The following MIPOL1 variants were observed in gnomAD, a reference collection of about 807,000 sequenced individuals.
The protein encoded by MIPOL1 is mirror-image polydactyly 1.
MIPOL1 carries 57 observed loss-of-function variants against 60.9 expected under a neutral mutation model. The ratio of observed to expected loss-of-function variants is 0.94; its 90% CI spans 0.76 to 1.17. MIPOL1 has a LOEUF of 1.17. MIPOL1 is among the 50% of genes most tolerant of loss of function. The pLI is 0.00. For missense variants in MIPOL1, 551 were observed against 511.6 expected (o/e 1.08, Z -0.74); for synonymous variants, 179 against 168.8 (o/e 1.06, Z -0.47).
intron 12 of MIPOL1, chr14:37,507,197 C>T (rs924208425): frequency 5.3e-5 from 8 of 152,202 alleles, no homozygotes; most frequent in Admixed American, 1.3e-4. Flanking sequence ...GACAGTGTGA[C>T]GATTCCTCAA....
intron 11 of MIPOL1, among the ~76,000 whole-genome samples, chr14:37,469,318 G>C (rs1181097601): frequency 6.6e-6 from 1 of 152,148 alleles, no homozygotes; most frequent in East Asian, 1.9e-4. Flanking sequence ...AGGAGGAAGA[G>C]AGAGAGAGAG....
rs1472594132 is a variant in MIPOL1 at position 37,388,861 on chromosome 14, A to C, written c.936+19237A>C. Among the ~76,000 whole-genome samples the C allele has an allele frequency of 4.6e-5, 7 of 152,112 alleles. No homozygotes were observed. The South Asian group carries it at 1.5e-3, about 32-fold the overall frequency. On this transcript the variant is annotated intron_variant, in intron 10 of 12. Coordinates refer to ENST00000684589, the MANE Select transcript of MIPOL1 (RefSeq NM_001388067.1). Reference sequence around the variant, plus strand: ...CAGCAAATTCTTGCGTAGGACCCCAAAACTTTTGTTCTGTATCTAGGTTTT... The same window carrying C: ...CAGCAAATTCTTGCGTAGGACCCCACAACTTTTGTTCTGTATCTAGGTTTT...
chr14:37,249,122 C>T (rs1973679456), intron 3 of MIPOL1, among the ~76,000 whole-genome samples: 1 of 151,988 alleles, frequency 6.6e-6, no homozygotes, highest in Non-Finnish European at 1.5e-5. Context: ...AATTTGGAAT[C>T]CTTGGGAAAT....
intron 12 of MIPOL1, among the ~76,000 whole-genome samples, chr14:37,509,364 A>G (rs1037699123): frequency 6.6e-6 from 1 of 151,604 alleles, no homozygotes. Context: ...ACACACACAG[A>G]CTCAAAGAGT....
chr14:37,448,797 CAG>C (rs748047533), intron 11 of MIPOL1, among the ~76,000 whole-genome samples: 5 of 152,128 alleles, frequency 3.3e-5, no homozygotes, highest in South Asian at 2.1e-4. Context: ...AAAAACAAAA[CAG>C]AATCTCAAAT....
chr14:37,381,262 G>A (rs926376623), intron 10 of MIPOL1, among the ~76,000 whole-genome samples: 21 of 152,018 alleles, frequency 1.4e-4, no homozygotes, highest in Admixed American at 4.6e-4. Flanking sequence ...ATTGGTGATA[G>A]TGGAAGCCTT....
intron 10 of MIPOL1, among the ~76,000 whole-genome samples, chr14:37,380,321 T>G (rs924339390): frequency 3.3e-5 from 5 of 152,172 alleles, no homozygotes; most frequent in African/African-American, 1.2e-4. Context: ...AGAATGTCTT[T>G]CTTTACAAGC....
chr14:37,454,927 A>G lies in MIPOL1; in HGVS notation c.1031+31978A>G, dbSNP rs143657886. ...CTGTGATATATTGTAACCATCTTAT[A>G]GGAATTTTTTTCACTGTTTGTGATA... On this transcript the variant is annotated intron_variant, in intron 11 of 12. Transcript: ENST00000684589. Among the ~76,000 whole-genome samples the G allele has an allele frequency of 2.0e-3, 305 of 152,304 alleles. 2 individuals are homozygous for G. The highest frequency in any genetic ancestry group is 7.0e-3 in the African/African-American group (292 of 41,576).
intron 11 of MIPOL1, chr14:37,434,510 A>G (rs553774448): frequency 1.3e-5 from 2 of 152,046 alleles, no homozygotes; most frequent in African/African-American, 2.4e-5. Context: ...TCATCCTTGC[A>G]TAGGAGCCAT....
chr14:37,414,984 G>A (rs896358503), intron 10 of MIPOL1, among the ~76,000 whole-genome samples: 1 of 152,084 alleles, frequency 6.6e-6, no homozygotes, highest in Non-Finnish European at 1.5e-5. Context: ...TTGGAAACTT[G>A]TGCCACCCCT....
intron 12 of MIPOL1, among the ~76,000 whole-genome samples, chr14:37,515,384 A>G (rs2095361932): frequency 6.6e-6 from 1 of 151,930 alleles, no homozygotes; most frequent in Non-Finnish European, 1.5e-5. Flanking sequence ...AGATTCTACA[A>G]ATTCCATGTA....
intron 10 of MIPOL1, among the ~76,000 whole-genome samples, chr14:37,382,484 G>C (rs1194079093): frequency 6.6e-6 from 1 of 151,966 alleles, no homozygotes; most frequent in Non-Finnish European, 1.5e-5. Flanking sequence ...CTCAGTAAAA[G>C]TAATTGCATT....
In MIPOL1 at chr14:37,249,534, G is replaced by A. The variant is rs1973744081; in HGVS notation, c.19+1627G>A. Among the ~76,000 whole-genome samples the A allele has an allele frequency of 2.0e-5, 3 of 152,014 alleles. No homozygotes were observed. The South Asian group carries it at 6.2e-4, about 31-fold the overall frequency. ...TTTCTCTTTTTATTTGTCACTCTGG[G>A]CTGCTTATTATGAGTTTAGAATCCA... On this transcript the variant is annotated intron_variant, in intron 3 of 12. Coordinates refer to ENST00000684589, the MANE Select transcript of MIPOL1 (RefSeq NM_001388067.1).
rs113187006 is a variant in MIPOL1, at chr14:37,364,787, G to A, written c.829-4730G>A. 2.2e-3 allele frequency among the ~76,000 whole-genome samples: 330 copies of A among 152,196 alleles called. 1 individual carries two copies. Among genetic ancestry groups the A allele is most frequent in the African/African-American group, 7.4e-3 (308 of 41,528 alleles). Reference sequence around the variant, plus strand: ...TGTCATTGTTATTTTGATAGAGATTGCATTGAATCTGTATATTGCTTTGGG... The same window carrying A: ...TGTCATTGTTATTTTGATAGAGATTACATTGAATCTGTATATTGCTTTGGG... On this transcript the variant is annotated intron_variant, in intron 9 of 12. Transcript: ENST00000684589.
intron 9 of MIPOL1, among the ~76,000 whole-genome samples, chr14:37,355,639 C>T (rs1164808847): frequency 1.1e-4 from 12 of 113,698 alleles, no homozygotes; most frequent in African/African-American, 1.3e-4. Context: ...CTTCCCTTCT[C>T]GCTTCATTTC....
intron 3 of MIPOL1, among the ~76,000 whole-genome samples, chr14:37,250,865 A>C (rs1318157799): frequency 6.6e-6 from 1 of 151,918 alleles, no homozygotes; most frequent in Non-Finnish European, 1.5e-5. Context: ...TGAAGTGACC[A>C]TTTTTTTCCT....
At chr14:37,336,459 T>A (rs570909203) in intron 9 of MIPOL1, among the ~76,000 whole-genome samples, 1 of 150,840 alleles carries the variant, frequency 6.6e-6, no homozygotes, top group Non-Finnish European at 1.5e-5. Flanking sequence ...TCTATTCCAC[T>A]CATAAGCCCA....
chr14:37,341,157 G>A (rs1459675302), intron 9 of MIPOL1, among the ~76,000 whole-genome samples: 2 of 152,138 alleles, frequency 1.3e-5, no homozygotes, highest in African/African-American at 2.4e-5. Context: ...GTTAAGCAAT[G>A]TATTCCTGTA....
At chr14:37,552,283 A>T (rs1271842144), downstream of MIPOL1, 1 of 152,122 alleles carries the variant, frequency 6.6e-6, no homozygotes, top group Non-Finnish European at 1.5e-5. Flanking sequence ...CATAATTGTA[A>T]TTTTTTTAAC....
Sources: allele counts gnomAD v4.1 joint callset (sites outside exome capture counted in the v4.1 genomes callset), GRCh38; gene constraint gnomAD v4.1.1; transcripts MANE v1.5; gene names NCBI Gene and HGNC (gene_info 2026-07-23, HGNC 2026-07-21).